Variants in ARHGAP35 observed in about 807,000 individuals in gnomAD.
ARHGAP35 encodes the protein Rho GTPase activating protein 35, also known as rho GTPase-activating protein 35.
ARHGAP35 carries 15 observed loss-of-function variants against 111.1 expected under a neutral mutation model. The ratio of observed to expected loss-of-function variants is 0.13; its 90% CI spans 0.09 to 0.21. The LOEUF is 0.21. Among genes scored for constraint, ARHGAP35 ranks in the 10% least tolerant of loss-of-function variants. The pLI, the probability that ARHGAP35 is intolerant of heterozygous loss-of-function variation, is 1.00. For missense variants in ARHGAP35, 1,262 were observed against 1,873.0 expected, an observed-to-expected ratio of 0.67 and a Z score of 6.02; for synonymous variants, 643 against 710.3, an observed-to-expected ratio of 0.91 and a Z score of 1.51.
Position 46,945,584 on chromosome 19 carries a change from A to C in ARHGAP35, c.3826+8176A>C, listed in dbSNP as rs1251529310. Among the ~76,000 whole-genome samples, 1 of 152,052 alleles carries C rather than the reference A, an allele frequency of 6.6e-6. No homozygotes were observed. Among genetic ancestry groups the C allele is most frequent in the African/African-American group, 2.4e-5 (1 of 41,410 alleles). On this transcript the variant is annotated intron_variant, in intron 3 of 6. Transcript: ENST00000672722. This position sits in a 1 kb window ranked among gnomAD's most constrained non-coding sequence, Gnocchi z 4.1. ...CTTCCTAGGATTCAAGAAATCTGAC[A>C]GCATAGGAACCCCCTGAGGCAGCTT...
chr19:46,921,573 G>C lies in ARHGAP35; in HGVS notation c.2898G>C (p.Glu966Asp). ...NAAEACSTTE[E>D]VFNSPRAGSP... Reference sequence around the variant, plus strand: ...CCGAGGCCTGTAGCACCACCGAAGAGGTGTTTAACTCCCCCCGGGCAGGAT... The same window carrying C: ...CCGAGGCCTGTAGCACCACCGAAGACGTGTTTAACTCCCCCCGGGCAGGAT... Residue 966 changes from glutamate to aspartate, a missense_variant, in exon 2 of 7, where the codon GAG (glutamate) becomes GAC (aspartate). Coordinates refer to ENST00000672722, the MANE Select transcript of ARHGAP35 (RefSeq NM_004491.5). This position sits in a 1 kb window ranked among gnomAD's most constrained non-coding sequence, Gnocchi z 4.3. 6.2e-7 allele frequency: 1 copy of C among 1,613,958 alleles called. No homozygotes were observed. Among genetic ancestry groups the C allele is most frequent in the Non-Finnish European group, 8.5e-7 (1 of 1,179,894 alleles).
At chr19:46,902,681 T>G (rs10413708) in intron 1 of ARHGAP35, among the ~76,000 whole-genome samples, 3,024 of 152,270 alleles carry the variant, frequency 0.02, 108 homozygotes, top group African/African-American at 0.068. Context: ...GCCTGTTTTT[T>G]GAACTCAGGT....
chr19:46,965,681 C>T (rs1229787306), intron 3 of ARHGAP35, among the ~76,000 whole-genome samples: 2 of 152,080 alleles, frequency 1.3e-5, no homozygotes, highest in Non-Finnish European at 2.9e-5. Flanking sequence ...GATGGGGTTT[C>T]GCCATGTTGC....
chr19:46,876,396 T>TG (rs940117326), intron 1 of ARHGAP35, among the ~76,000 whole-genome samples: 2 of 151,628 alleles, frequency 1.3e-5, no homozygotes, highest in African/African-American at 4.9e-5. Context: ...TCTTTTAAGA[T>TG]GGAGTCTCAC....
chr19:46,919,348 G>T lies in ARHGAP35; in HGVS notation c.673G>T (p.Val225Phe). ...TFALSKKNLQ[V>F]VETSARSNVN... ...TGCCTTAAGCAAAAAGAACCTCCAGGTTGTGGAGACCTCAGCGAGATCCAA... is the reference window on the plus strand; with the variant it reads ...TGCCTTAAGCAAAAAGAACCTCCAGTTTGTGGAGACCTCAGCGAGATCCAA... The change falls in exon 2 of 7, where the codon GTT becomes TTT. Residue 225 changes from valine to phenylalanine, a missense_variant. Val to Phe is a conservative substitution (Grantham distance 50). This residue lies in a region of ARHGAP35 where 125 missense variants were observed against 301.7 expected (regional missense o/e 0.41). Coordinates refer to ENST00000672722, the MANE Select transcript of ARHGAP35 (RefSeq NM_004491.5). This position sits in a 1 kb window ranked among gnomAD's most constrained non-coding sequence, Gnocchi z 6.2. 1 of 1,613,980 alleles carries T rather than the reference G, an allele frequency of 6.2e-7. No individual in the cohort carries two copies. The highest frequency in any genetic ancestry group is 8.5e-7 in the Non-Finnish European group (1 of 1,179,894).
At chr19:46,977,500 C>T (rs566718406) in intron 3 of ARHGAP35, among the ~76,000 whole-genome samples, 1 of 152,244 alleles carries the variant, frequency 6.6e-6, no homozygotes, top group African/African-American at 2.4e-5. Context: ...ACTTTTCTTC[C>T]TCCTTCCCTC....
At chr19:46,896,722 G>A (rs1211205688) in intron 1 of ARHGAP35, among the ~76,000 whole-genome samples, 4 of 152,176 alleles carry the variant, frequency 2.6e-5, no homozygotes. Context: ...ACCTCTGCAA[G>A]CCTGTTTTCT....
intron 1 of ARHGAP35, among the ~76,000 whole-genome samples, chr19:46,888,764 C>T (rs1017780865): frequency 9.7e-5 from 14 of 144,204 alleles, no homozygotes; most frequent in South Asian, 4.5e-4. Flanking sequence ...GAGGCTGAGG[C>T]GGGCAGATCA....
chr19:46,975,097 C>G (rs2056572461), intron 3 of ARHGAP35, among the ~76,000 whole-genome samples: 1 of 152,104 alleles, frequency 6.6e-6, no homozygotes, highest in South Asian at 2.1e-4. Context: ...GTCTCGAACT[C>G]CTGACCTCGT....
intron 1 of ARHGAP35, among the ~76,000 whole-genome samples, chr19:46,895,692 A>G (rs185998875): frequency 2.0e-5 from 3 of 152,162 alleles, no homozygotes; most frequent in Non-Finnish European, 4.4e-5. Flanking sequence ...CAGTAATCCT[A>G]TTGAGGAGAG....
Position 46,901,489 on chromosome 19 carries a change from C to T in ARHGAP35, c.-188-16999C>T, listed in dbSNP as rs2056083417. 6.6e-6 allele frequency among the ~76,000 whole-genome samples: 1 copy of T among 152,160 alleles called. No homozygotes were observed. Among genetic ancestry groups the T allele is most frequent in the Non-Finnish European group, 1.5e-5 (1 of 68,026 alleles). Reference sequence around the variant, plus strand: ...AGGAGAATCACTTGAACCCGGGAGGCAGAGGTTGCAGTGAGCCGAGATCGC... The same window carrying T: ...AGGAGAATCACTTGAACCCGGGAGGTAGAGGTTGCAGTGAGCCGAGATCGC... On this transcript the variant is annotated intron_variant, in intron 1 of 6. Coordinates refer to ENST00000672722, the MANE Select transcript of ARHGAP35 (RefSeq NM_004491.5). This position sits in a 1 kb window ranked among gnomAD's most constrained non-coding sequence, Gnocchi z 4.5.
intron 3 of ARHGAP35, among the ~76,000 whole-genome samples, chr19:46,958,742 A>G (rs1031895957): frequency 1.3e-5 from 2 of 152,200 alleles, no homozygotes; most frequent in Non-Finnish European, 2.9e-5. Context: ...GTTTGAAACA[A>G]TGGTTTTGCA....
At chr19:46,947,101 A>G (rs973183625) in intron 3 of ARHGAP35, 1 of 152,192 alleles carries the variant, frequency 6.6e-6, no homozygotes, top group African/African-American at 2.4e-5. Context: ...AGGAAGACAA[A>G]CTTCCAGATA....
At chr19:46,903,783 C>T (rs1008275597) in intron 1 of ARHGAP35, among the ~76,000 whole-genome samples, 1 of 152,190 alleles carries the variant, frequency 6.6e-6, no homozygotes. Context: ...AAAGGAAAAT[C>T]ATGAAGCTAG....
chr19:46,925,466 GA>G (rs1291919378), intron 2 of ARHGAP35, among the ~76,000 whole-genome samples: 1 of 152,186 alleles, frequency 6.6e-6, no homozygotes, highest in Non-Finnish European at 1.5e-5. Flanking sequence ...TATTTGGAGG[GA>G]GGGGGCAGCT....
intron 1 of ARHGAP35, among the ~76,000 whole-genome samples, chr19:46,879,511 C>G (rs1192733133): frequency 1.2e-5 from 1 of 81,842 alleles, no homozygotes; most frequent in Non-Finnish European, 2.8e-5. Flanking sequence ...CGATTGAACC[C>G]GGGAGGAAGA....
chr19:46,896,492 A>G (rs760079943), intron 1 of ARHGAP35, among the ~76,000 whole-genome samples: 10 of 152,270 alleles, frequency 6.6e-5, no homozygotes, highest in Non-Finnish European at 1.2e-4. Flanking sequence ...TAGGTACATA[A>G]GAGACTGTTT....
intron 1 of ARHGAP35, among the ~76,000 whole-genome samples, chr19:46,890,821 T>C (rs773110442): frequency 2.0e-5 from 3 of 152,246 alleles, no homozygotes; most frequent in Non-Finnish European, 4.4e-5. Context: ...TACTTTTCTG[T>C]CGACAACAGT....
chr19:46,992,990 C>T lies in ARHGAP35; in HGVS notation c.4036+3315C>T, dbSNP rs547014451. On this transcript the variant is annotated intron_variant, in intron 5 of 6. Coordinates refer to ENST00000672722, the MANE Select transcript of ARHGAP35 (RefSeq NM_004491.5). The surrounding 1 kb of genome is among the most constrained non-coding windows in gnomAD (Gnocchi z 4.4). ...CTGTCCACATAGCTGCCCGAGGGCA[C>T]GGGGGTGCTTCTCACACCCACGTAC... is the stretch of plus-strand genomic sequence containing the variant. Among the ~76,000 whole-genome samples the T allele has an allele frequency of 6.6e-6, 1 of 152,300 alleles. No homozygotes were observed. The highest frequency in any genetic ancestry group is 2.1e-4 in the South Asian group (1 of 4,826).
Sources: gnomAD v4.1 joint callset for allele counts (sites outside exome capture counted in the v4.1 genomes callset) on GRCh38, gnomAD v4.1.1 for gene constraint, gnomAD v4.1.1 regional missense constraint, Gnocchi (gnomAD v3.1) non-coding constraint, MANE v1.5 for transcripts, NCBI Gene and HGNC (gene_info 2026-07-23, HGNC 2026-07-21) for gene names.